Variants in GRID2 observed in about 807,000 individuals in gnomAD.
GRID2 encodes glutamate ionotropic receptor delta type subunit 2.
Under a neutral mutation model 114.8 loss-of-function variants are expected in GRID2, and 33 were observed. The observed-to-expected ratio is 0.29, with a 90% CI of 0.22 to 0.38. The LOEUF is 0.38. Among genes scored for constraint, GRID2 ranks in the 10% least tolerant of loss-of-function variants. GRID2 has a pLI of 1.00. For synonymous variants in GRID2, 505 were observed against 449.9 expected (o/e 1.12, Z -1.55); for missense variants, 1,184 against 1,257.7 (o/e 0.94, Z 0.89).
At chr4:92,606,137 T>C (rs746476221) in intron 2 of GRID2, among the ~76,000 whole-genome samples, 14 of 142,242 alleles carry the variant, frequency 9.8e-5, no homozygotes, top group Non-Finnish European at 2.1e-4. Context: ...TATTGAATCC[T>C]AAGAAAGAAA....
intron 1 of GRID2, among the ~76,000 whole-genome samples, chr4:92,443,714 G>A (rs1011399242): frequency 5.9e-5 from 9 of 152,172 alleles, no homozygotes; most frequent in Admixed American, 2.0e-4. Flanking sequence ...GACAAGGAGA[G>A]AAGGGGTTGG....
intron 2 of GRID2, among the ~76,000 whole-genome samples, chr4:92,598,867 T>C (rs2149217486): frequency 6.6e-6 from 1 of 152,164 alleles, no homozygotes; most frequent in African/African-American, 2.4e-5. Context: ...AATATTTCCT[T>C]CCCAAACATA....
At chr4:92,919,677 A>C (rs573710289) in intron 2 of GRID2, among the ~76,000 whole-genome samples, 7 of 152,280 alleles carry the variant, frequency 4.6e-5, no homozygotes, top group African/African-American at 1.2e-4. Flanking sequence ...TGAGTTTCTT[A>C]ATCCTGAGTT....
chr4:92,505,744 A>C (rs2149127276), intron 1 of GRID2, among the ~76,000 whole-genome samples: 1 of 152,122 alleles, frequency 6.6e-6, no homozygotes, highest in Non-Finnish European at 1.5e-5. Flanking sequence ...ACTACTTGGC[A>C]GGCATTCTAA....
At chr4:92,900,833 CAAAAA>C (rs34089162) in intron 2 of GRID2, among the ~76,000 whole-genome samples, 3 of 72,332 alleles carry the variant, frequency 4.1e-5, no homozygotes, top group South Asian at 5.2e-4. Flanking sequence ...GACTTCGTCT[CAAAAA>C]AAAAAAAAAA....
At chr4:93,477,167 G>C (rs1362719033) in intron 11 of GRID2, among the ~76,000 whole-genome samples, 1 of 152,072 alleles carries the variant, frequency 6.6e-6, no homozygotes, top group East Asian at 1.9e-4. Context: ...CTTTCCAGAA[G>C]TAGCCAGAGA....
chr4:93,079,311 G>A (rs1280928447), intron 2 of GRID2, among the ~76,000 whole-genome samples: 1 of 151,742 alleles, frequency 6.6e-6, no homozygotes, highest in African/African-American at 2.4e-5. Context: ...ATTATTTGGA[G>A]CTAAAACTAT....
intron 2 of GRID2, among the ~76,000 whole-genome samples, chr4:92,977,672 G>C (rs529428521): frequency 6.6e-6 from 1 of 152,282 alleles, no homozygotes; most frequent in South Asian, 2.1e-4. Context: ...ATGTGGATGT[G>C]AAATTAAGAC....
At chr4:93,142,852 A>G (rs1735892484) in intron 4 of GRID2, among the ~76,000 whole-genome samples, 1 of 152,240 alleles carries the variant, frequency 6.6e-6, no homozygotes, top group Non-Finnish European at 1.5e-5. Context: ...TAATAAACAA[A>G]GGAAGAAGAC....
At chr4:93,030,055 T>G (rs534254349) in intron 2 of GRID2, among the ~76,000 whole-genome samples, 4 of 152,300 alleles carry the variant, frequency 2.6e-5, no homozygotes, top group African/African-American at 9.6e-5. Flanking sequence ...AGAAAGCCAT[T>G]TAGTACTACA....
chr4:93,287,086 C>G (rs1753257075), intron 8 of GRID2, among the ~76,000 whole-genome samples: 1 of 151,960 alleles, frequency 6.6e-6, no homozygotes, highest in Non-Finnish European at 1.5e-5. Context: ...TGTTCTCCTT[C>G]TATTTCTTAT....
intron 2 of GRID2, among the ~76,000 whole-genome samples, chr4:92,831,878 T>C (rs1426316601): frequency 6.6e-6 from 1 of 151,830 alleles, no homozygotes; most frequent in Non-Finnish European, 1.5e-5. Context: ...AATAAATAAA[T>C]TATACATCTA....
chr4:93,608,310 A>ATTTTTTTT (rs1740520428), intron 13 of GRID2, among the ~76,000 whole-genome samples: 1 of 67,308 alleles, frequency 1.5e-5, no homozygotes, highest in Non-Finnish European at 3.0e-5. Flanking sequence ...TTTTTTTTTT[A>ATTTTTTTT]ATTTTTTTTT....
At chr4:93,321,372 C>T (rs907474507) in intron 8 of GRID2, among the ~76,000 whole-genome samples, 1 of 151,904 alleles carries the variant, frequency 6.6e-6, no homozygotes, top group African/African-American at 2.4e-5. Context: ...ACCAAGGATC[C>T]TATTTTCAAA....
At chr4:92,454,793 A>G (rs1721121685) in intron 1 of GRID2, among the ~76,000 whole-genome samples, 1 of 152,180 alleles carries the variant, frequency 6.6e-6, no homozygotes, top group African/African-American at 2.4e-5. Context: ...CCGAGATCGC[A>G]CCACTGCACT....
chr4:92,875,152 T>G (rs939281012), intron 2 of GRID2, among the ~76,000 whole-genome samples: 4 of 138,982 alleles, frequency 2.9e-5, no homozygotes, highest in South Asian at 2.3e-4. Context: ...TCAAAAGGTT[T>G]TTTTTTTTTT....
chr4:93,582,478 A>T (rs1737080812), intron 13 of GRID2, among the ~76,000 whole-genome samples: 2 of 152,184 alleles, frequency 1.3e-5, no homozygotes, highest in Non-Finnish European at 2.9e-5. Flanking sequence ...ATAAAGCATT[A>T]TTCTGCCCAC....
At chr4:93,077,636 A>G (rs771554239) in intron 2 of GRID2, among the ~76,000 whole-genome samples, 16 of 152,186 alleles carry the variant, frequency 1.1e-4, no homozygotes, top group Admixed American at 7.9e-4. Flanking sequence ...TGTTATGTTT[A>G]TGATTATGTA....
intron 1 of GRID2, among the ~76,000 whole-genome samples, chr4:92,422,363 C>T (rs1731949598): frequency 6.6e-6 from 1 of 152,028 alleles, no homozygotes; most frequent in Non-Finnish European, 1.5e-5. Flanking sequence ...GATAGGAGTC[C>T]ACTGGAGAGT....
Sources: gnomAD v4.1 joint callset for allele counts (sites outside exome capture counted in the v4.1 genomes callset) on GRCh38, gnomAD v4.1.1 for gene constraint, MANE v1.5 for transcripts, NCBI Gene and HGNC (gene_info 2026-07-23, HGNC 2026-07-21) for gene names.